Variants in IPPK observed in about 807,000 individuals in gnomAD.
IPPK encodes IPK1 homolog.
A neutral mutation model predicts 64.6 loss-of-function variants in IPPK; 22 were observed. That is an observed-to-expected ratio of 0.34 (90% CI 0.24 to 0.49). The LOEUF is 0.49. Ranked by LOEUF, IPPK falls within the 20% of genes least tolerant of loss-of-function variation. IPPK has a pLI of 0.99. For synonymous variants in IPPK, 262 were observed against 247.2 expected (o/e 1.06, Z -0.56); for missense variants, 532 against 630.7 (o/e 0.84, Z 1.68).
At chr9:92,634,288 G>A in intron 11 of IPPK, 98 bp downstream of exon 11, 2 of 783,330 alleles carry the variant, frequency 2.6e-6, no homozygotes, top group Non-Finnish European at 2.2e-6. Context: ...TTAAACCTCA[G>A]GGGTAGGTAA....
At chr9:92,648,471 T>G (rs748889883) in intron 5 of IPPK, among the ~76,000 whole-genome samples, 2 of 152,224 alleles carry the variant, frequency 1.3e-5, no homozygotes, top group Non-Finnish European at 2.9e-5. Context: ...GTAGTAGAGA[T>G]GGACCCAGGA....
Position 92,615,924 on chromosome 9 carries a change from A to T in IPPK, c.1384T>A (p.Tyr462Asn). Residue 462 changes from tyrosine to asparagine, a missense_variant, in exon 13 of 13, where the codon TAT (tyrosine) becomes AAT (asparagine). Coordinates refer to ENST00000287996, the MANE Select transcript of IPPK (RefSeq NM_022755.6). ...YKLDGKIVNY[Y>N]SKTVRAKDNA... ...TCTTTGGCACGTACAGTCTTTGAATAATAGTTGACGATCTTGCCGTCCAGT... is the reference window on the plus strand; with the variant it reads ...TCTTTGGCACGTACAGTCTTTGAATTATAGTTGACGATCTTGCCGTCCAGT... The T allele has an allele frequency of 6.2e-7, 1 of 1,614,182 alleles. No homozygotes were observed. The highest frequency in any genetic ancestry group is 8.5e-7 in the Non-Finnish European group (1 of 1,180,036).
chr9:92,665,140 G>A (rs1389356273), intron 1 of IPPK, among the ~76,000 whole-genome samples: 1 of 152,190 alleles, frequency 6.6e-6, no homozygotes, highest in African/African-American at 2.4e-5. Flanking sequence ...CATCAGCTGC[G>A]TCAGCCTAGA....
chr9:92,648,891 A>G (rs570470107), intron 5 of IPPK, among the ~76,000 whole-genome samples: 1 of 152,330 alleles, frequency 6.6e-6, no homozygotes, highest in African/African-American at 2.4e-5. Flanking sequence ...GCCTGGCACC[A>G]GAGAAATTCA....
chr9:92,662,263 T>C (rs549747724), intron 1 of IPPK, among the ~76,000 whole-genome samples: 24 of 152,278 alleles, frequency 1.6e-4, no homozygotes, highest in Middle Eastern at 3.4e-3. Context: ...CGGTGGCTCA[T>C]GCCTGTAATC....
intron 6 of IPPK, 92 bp from the exon 7 acceptor site, chr9:92,642,902 A>T: frequency 2.0e-6 from 2 of 1,018,446 alleles, no homozygotes; most frequent in Non-Finnish European, 3.1e-6. Flanking sequence ...AGTGATGAAG[A>T]CAATGAAGAC....
chr9:92,656,270 T>G (rs983669078), intron 3 of IPPK, among the ~76,000 whole-genome samples, 186 bp downstream of exon 3: 1 of 152,172 alleles, frequency 6.6e-6, no homozygotes, highest in Non-Finnish European at 1.5e-5. Flanking sequence ...AACCCCATGC[T>G]TCTCAGCTAG....
chr9:92,640,910 A>T, intron 7 of IPPK, 128 bp from the exon 8 acceptor site: 1 of 714,324 alleles, frequency 1.4e-6, no homozygotes, highest in Non-Finnish European at 2.5e-6. Context: ...CCAGAGTCCA[A>T]CTAGGTCCAA....
At chr9:92,654,909 C>A (rs1259971124) in intron 3 of IPPK, among the ~76,000 whole-genome samples, 1 of 152,248 alleles carries the variant, frequency 6.6e-6, no homozygotes, top group African/African-American at 2.4e-5. Flanking sequence ...CGCCAGAGAG[C>A]GTCCAACCTC....
intron 6 of IPPK, among the ~76,000 whole-genome samples, chr9:92,646,794 A>C (rs763414708): frequency 8.5e-5 from 13 of 152,152 alleles, no homozygotes; most frequent in Non-Finnish European, 1.9e-4. Flanking sequence ...CGTCTCTACT[A>C]AAAATACAAA....
At chr9:92,642,688 GC>G in intron 7 of IPPK, 63 bp downstream of exon 7, 2 of 1,428,844 alleles carry the variant, frequency 1.4e-6, no homozygotes, top group Non-Finnish European at 2.0e-6. Flanking sequence ...CCAGGCACTG[GC>G]CCCCGCCCTA....
intron 6 of IPPK, among the ~76,000 whole-genome samples, chr9:92,646,461 A>G (rs563867612): frequency 1.5e-4 from 23 of 152,270 alleles, no homozygotes; most frequent in Non-Finnish European, 3.1e-4. Context: ...ATCAGTAACA[A>G]AAGAAAATTT....
At chr9:92,662,867 G>A (rs540353971) in intron 1 of IPPK, among the ~76,000 whole-genome samples, 4 of 152,322 alleles carry the variant, frequency 2.6e-5, no homozygotes, top group South Asian at 2.1e-4. Flanking sequence ...GGGCTGCAGC[G>A]GAAGGGTAGG....
chr9:92,618,729 A>C (rs1411012841), intron 12 of IPPK: 1 of 362,458 alleles, frequency 2.8e-6, no homozygotes, highest in Non-Finnish European at 5.5e-6. Flanking sequence ...TTGGAAAGTA[A>C]ACAATTCTGT....
chr9:92,640,248 CCT>C (rs1281888874), intron 8 of IPPK, among the ~76,000 whole-genome samples: 3 of 152,136 alleles, frequency 2.0e-5, no homozygotes, highest in South Asian at 2.1e-4. Flanking sequence ...CATCTCATCC[CCT>C]CTCTCCCCAG....
chr9:92,641,024 G>A (rs1022510637), intron 7 of IPPK, among the ~76,000 whole-genome samples: 1 of 152,192 alleles, frequency 6.6e-6, no homozygotes, highest in Non-Finnish European at 1.5e-5. Context: ...AGATGTGGGG[G>A]TTGGCCCTGA....
chr9:92,630,684 A>T (rs1171174083), intron 11 of IPPK, among the ~76,000 whole-genome samples: 2 of 152,128 alleles, frequency 1.3e-5, no homozygotes, highest in Admixed American at 1.3e-4. Flanking sequence ...AAAAAAAAAA[A>T]TACCAAGACA....
Position 92,641,250 on chromosome 9 carries a change from C to T in IPPK, c.564-468G>A, listed in dbSNP as rs75772570. On this transcript the variant is annotated intron_variant, in intron 7 of 12. Coordinates refer to ENST00000287996, the MANE Select transcript of IPPK (RefSeq NM_022755.6). ...AGGAGAGGCTAGAGCCCCAGGGAGC[C>T]CTCGTCCTCCAAGCGACGAGCTGCA... Among the ~76,000 whole-genome samples, 1,498 of 152,262 alleles carry T rather than the reference C, an allele frequency of 9.8e-3. 7 individuals are homozygous for T. The highest frequency in any genetic ancestry group is 0.017 in the South Asian group (83 of 4,828).
At position 92,669,972 on chromosome 9, in the gene IPPK, A is replaced by G. The variant is rs201433639; in HGVS notation, c.17T>C (p.Met6Thr). MEEGK[M>T]DENEWGYHGE... ...GTGGTACCCCCATTCATTCTCGTCC[A>G]TCTTCCCCTCTTCCATGCCCAGGCG... Residue 6 changes from methionine to threonine, a missense_variant, in exon 1 of 13, where the codon ATG (methionine) becomes ACG (threonine). Transcript: ENST00000287996. 3.4e-5 allele frequency: 55 copies of G among 1,612,548 alleles called. No homozygotes were observed. The East Asian group carries it at 1.1e-3, about 33-fold the overall frequency.
Sources: allele counts gnomAD v4.1 joint callset (sites outside exome capture counted in the v4.1 genomes callset), GRCh38; gene constraint gnomAD v4.1.1; transcripts MANE v1.5; gene names NCBI Gene and HGNC (gene_info 2026-07-23, HGNC 2026-07-21).